The following PARM1 variants were observed in gnomAD, a reference collection of about 807,000 sequenced individuals.
PARM1 encodes the protein WSC4, cell wall integrity and stress response component 4 homolog.
In PARM1, 14 loss-of-function variants were observed where a neutral mutation model predicts 24.6. That is an observed-to-expected ratio of 0.57 (90% CI 0.38 to 0.89). The LOEUF is 0.89. Ranked by LOEUF, PARM1 falls within the 40% of genes least tolerant of loss-of-function variation. The pLI is 0.00. For synonymous variants in PARM1, 179 were observed against 156.6 expected (o/e 1.14, Z -1.07); for missense variants, 362 against 380.4 (o/e 0.95, Z 0.40).
At position 74,990,252 on chromosome 4, in the gene PARM1, C is replaced by G. The variant is rs186270329; in HGVS notation, c.44-22173C>G. Among the ~76,000 whole-genome samples the G allele has an allele frequency of 3.3e-3, 506 of 152,240 alleles. 5 individuals are homozygous for G. The highest frequency in any genetic ancestry group is 0.011 in the African/African-American group (471 of 41,544). ...GAGAGCAGAGTATGCACATGGAAATCTGTAGTACATCCATTGCACAGGGTT... is the reference window on the plus strand; with the variant it reads ...GAGAGCAGAGTATGCACATGGAAATGTGTAGTACATCCATTGCACAGGGTT... On this transcript the variant is annotated intron_variant, in intron 1 of 3. Transcript: ENST00000307428.
At chr4:74,945,669 AGATCTCCTCTCTTT>A (rs1334460038) in intron 1 of PARM1, among the ~76,000 whole-genome samples, 1 of 152,212 alleles carries the variant, frequency 6.6e-6, no homozygotes, top group Non-Finnish European at 1.5e-5. Context: ...TTAGTTTTTT[AGATCTCCTCTCTTT>A]GTCACATATG....
intron 1 of PARM1, among the ~76,000 whole-genome samples, chr4:75,008,753 T>C (rs528021315): frequency 6.6e-6 from 1 of 152,212 alleles, no homozygotes. Flanking sequence ...AAAAGCTCAA[T>C]AAATTCTTGA....
At chr4:75,009,953 A>G (rs922807539) in intron 1 of PARM1, among the ~76,000 whole-genome samples, 12 of 152,220 alleles carry the variant, frequency 7.9e-5, no homozygotes, top group African/African-American at 2.9e-4. Flanking sequence ...CATTTCCTCA[A>G]AAAAATTAAG....
intron 1 of PARM1, among the ~76,000 whole-genome samples, chr4:74,959,365 C>T (rs1435399398): frequency 6.6e-6 from 1 of 152,160 alleles, no homozygotes; most frequent in Non-Finnish European, 1.5e-5. Context: ...TTCTGGCATC[C>T]TAAGCAAAGT....
Position 75,049,246 on chromosome 4 carries a change from T to C in PARM1, c.*2999T>C, listed in dbSNP as rs1267492678. Reference sequence around the variant, plus strand: ...CACGTCTGTGTCTTCATTTCTAAAATGGGGGTGATGCTTTCATATTGACCT... The same window carrying C: ...CACGTCTGTGTCTTCATTTCTAAAACGGGGGTGATGCTTTCATATTGACCT... On this transcript the variant is annotated 3_prime_UTR_variant, in exon 4 of 4. Transcript: ENST00000307428. The C allele has an allele frequency of 6.6e-6, 1 of 152,212 alleles. No homozygotes were observed. Among genetic ancestry groups the C allele is most frequent in the Non-Finnish European group, 1.5e-5 (1 of 68,032 alleles). 9.4% of individuals were successfully genotyped at this position (152,212 alleles called of 1,614,324 possible). A position where few individuals can be genotyped will look rare whatever the true frequency, so the allele number is the denominator to read the frequency against.
At chr4:75,005,021 A>T (rs1470214303) in intron 1 of PARM1, among the ~76,000 whole-genome samples, 1 of 152,204 alleles carries the variant, frequency 6.6e-6, no homozygotes, top group Non-Finnish European at 1.5e-5. Context: ...AATGGTGCCT[A>T]CCTCACAGAG....
intron 2 of PARM1, among the ~76,000 whole-genome samples, chr4:75,018,658 G>A (rs1384938614): frequency 2.0e-5 from 3 of 152,110 alleles, no homozygotes; most frequent in South Asian, 2.1e-4. Context: ...GTTCATGGTC[G>A]TATGAGGCAT....
intron 1 of PARM1, among the ~76,000 whole-genome samples, chr4:74,960,118 T>G (rs1389630696): frequency 6.6e-6 from 1 of 152,188 alleles, no homozygotes; most frequent in Non-Finnish European, 1.5e-5. Flanking sequence ...GCGAAAAGAA[T>G]CCTACAAAAA....
intron 2 of PARM1, among the ~76,000 whole-genome samples, chr4:75,032,965 A>G (rs898897424): frequency 6.6e-6 from 1 of 152,228 alleles, no homozygotes; most frequent in Non-Finnish European, 1.5e-5. Context: ...TTAAGGTGAA[A>G]TGAAACTAAA....
chr4:75,012,871 T>C lies in PARM1; in HGVS notation c.490T>C (p.Ser164Pro). ...PASSPSSLST[S>P]PPEVFSASVT... ...CTCATCACCCTCATCCCTATCAACC[T>C]CACCACCTGAGGTCTTTTCTGCCTC... The change falls in exon 2 of 4, where the codon TCA becomes CCA. Residue 164 changes from serine (S) to proline (P), a missense_variant. Transcript: ENST00000307428. 6.2e-7 allele frequency: 1 copy of C among 1,613,874 alleles called. No homozygotes were observed. Among genetic ancestry groups the C allele is most frequent in the South Asian group, 1.1e-5 (1 of 91,062 alleles).
At chr4:74,942,454 C>G (rs1003656994) in intron 1 of PARM1, among the ~76,000 whole-genome samples, 17 of 152,218 alleles carry the variant, frequency 1.1e-4, no homozygotes, top group African/African-American at 3.6e-4. Context: ...ATAGTTATCT[C>G]GAACTCAACA....
Position 75,034,320 on chromosome 4 carries a change from G to T in PARM1, c.848+359G>T, listed in dbSNP as rs139589489. On this transcript the variant is annotated intron_variant, in intron 3 of 3. Coordinates refer to ENST00000307428, the MANE Select transcript of PARM1 (RefSeq NM_015393.4). Reference sequence around the variant, plus strand: ...CACCTATTCTCATCTGTGAAAGGGGGTAGAAGGGTGGGATCGATGGTTCCT... The same window carrying T: ...CACCTATTCTCATCTGTGAAAGGGGTTAGAAGGGTGGGATCGATGGTTCCT... 1.7e-3 allele frequency among the ~76,000 whole-genome samples: 252 copies of T among 152,258 alleles called. 1 individual carries two copies. Among genetic ancestry groups the T allele is most frequent in the African/African-American group, 5.9e-3 (244 of 41,550 alleles).
At chr4:75,009,025 T>C (rs1722822260) in intron 1 of PARM1, among the ~76,000 whole-genome samples, 1 of 152,154 alleles carries the variant, frequency 6.6e-6, no homozygotes, top group African/African-American at 2.4e-5. Context: ...CATGTTTTAA[T>C]AATATTTGTC....
At chr4:74,956,685 A>G (rs1038503479) in intron 1 of PARM1, 61 of 152,182 alleles carry the variant, frequency 4.0e-4, no homozygotes, top group African/African-American at 1.4e-3. Flanking sequence ...GGTGTTCCCT[A>G]TGTCTTATTG....
chr4:74,936,701 A>C (rs964332450), intron 1 of PARM1, among the ~76,000 whole-genome samples: 10 of 151,878 alleles, frequency 6.6e-5, no homozygotes, highest in South Asian at 6.2e-4. Context: ...GTGATCCACC[A>C]GCCTCGGACT....
At position 75,033,904 on chromosome 4, in the gene PARM1, T is replaced by C. The variant is rs1244071204; in HGVS notation, c.791T>C (p.Val264Ala). ...LSSGSIAAIT[V>A]TVIAVVLLVF... The stretch of plus-strand genomic sequence containing the variant: ...ACAGGCAGCATCGCCGCCATTACCG[T>C]GACAGTCATTGCCGTGGTGCTGCTG... The change falls in exon 3 of 4, where the codon GTG becomes GCG. Residue 264 changes from valine (V) to alanine (A), a missense_variant. Val to Ala is a moderately conservative substitution (Grantham distance 64). Coordinates refer to ENST00000307428, the MANE Select transcript of PARM1 (RefSeq NM_015393.4). The C allele has an allele frequency of 1.9e-6, 3 of 1,604,108 alleles. No individual in the cohort carries two copies. In the South Asian group the frequency reaches 3.4e-5, roughly 18 times the overall value.
intron 1 of PARM1, among the ~76,000 whole-genome samples, chr4:74,982,643 G>A (rs759136313): frequency 1.7e-4 from 26 of 152,130 alleles, no homozygotes; most frequent in Non-Finnish European, 3.2e-4. Context: ...GTTTGAGACT[G>A]TGCCACCATT....
intron 1 of PARM1, among the ~76,000 whole-genome samples, chr4:74,946,710 C>A (rs1356089582): frequency 6.6e-6 from 1 of 152,176 alleles, no homozygotes; most frequent in Non-Finnish European, 1.5e-5. Flanking sequence ...CTGGCCAAAG[C>A]TGGGACAATT....
chr4:74,999,425 A>T (rs1722636602), intron 1 of PARM1, among the ~76,000 whole-genome samples: 1 of 152,200 alleles, frequency 6.6e-6, no homozygotes, highest in African/African-American at 2.4e-5. Flanking sequence ...GCTATCAGAG[A>T]CCTTTATTCA....
Sources: gnomAD v4.1 joint callset for allele counts (sites outside exome capture counted in the v4.1 genomes callset) on GRCh38, gnomAD v4.1.1 for gene constraint, MANE v1.5 for transcripts, NCBI Gene and HGNC (gene_info 2026-07-23, HGNC 2026-07-21) for gene names.